The following USP10 variants were observed in gnomAD, a reference collection of about 807,000 sequenced individuals.
The protein encoded by USP10 is ubiquitin specific peptidase 10.
A neutral mutation model predicts 84.5 loss-of-function variants in USP10; 22 were observed. The ratio of observed to expected loss-of-function variants is 0.26; its 90% CI spans 0.19 to 0.37. The LOEUF (loss-of-function observed/expected upper bound fraction) is 0.37. USP10 is among the 10% of genes least tolerant of loss of function. The pLI is 1.00. For missense variants in USP10, 1,019 were observed against 998.9 expected (o/e 1.02, Z -0.27); for synonymous variants, 454 against 387.6 (o/e 1.17, Z -2.01).
At chr16:84,766,320 C>T (rs1913856020) in intron 10 of USP10, among the ~76,000 whole-genome samples, 1 of 152,238 alleles carries the variant, frequency 6.6e-6, no homozygotes, top group African/African-American at 2.4e-5. Context: ...CCTTTCTATT[C>T]TGGTGCTCTG....
Position 84,700,024 on chromosome 16 carries a change from A to T in USP10, c.-67A>T, listed in dbSNP as rs919412871. 3.0e-6 allele frequency: 4 copies of T among 1,326,076 alleles called. No homozygotes were observed. Among genetic ancestry groups the T allele is most frequent in the African/African-American group, 3.1e-5 (2 of 63,842 alleles). The allele number at this position is 1,326,076 out of a possible 1,614,324, so 82.1% of individuals were successfully genotyped here. A position where few individuals can be genotyped will look rare whatever the true frequency, so the allele number is the denominator to read the frequency against. On this transcript the variant is annotated 5_prime_UTR_variant, in exon 1 of 14. The change abolishes an upstream ATG in the 5' untranslated region. Coordinates refer to ENST00000219473, the MANE Select transcript of USP10 (RefSeq NM_005153.3). ...CGAGTGTGTATGTGCGGGCGAGAAG[A>T]TGGCGGCGGCGGGGGAAGCAGCGTG...
At chr16:84,763,695 G>C (rs1913475866) in intron 9 of USP10, among the ~76,000 whole-genome samples, 2 of 152,236 alleles carry the variant, frequency 1.3e-5, no homozygotes, top group African/African-American at 4.8e-5. Flanking sequence ...GTTGCGATTG[G>C]TTGCCGTGGA....
intron 11 of USP10, among the ~76,000 whole-genome samples, chr16:84,771,735 G>C (rs1858286032): frequency 6.6e-6 from 1 of 152,032 alleles, no homozygotes; most frequent in Non-Finnish European, 1.5e-5. Context: ...AGATGTGGTG[G>C]TGGGAGCCTG....
intron 1 of USP10, 85 bp from the exon 2 acceptor site, chr16:84,733,350 G>T: frequency 9.2e-7 from 1 of 1,085,808 alleles, no homozygotes; most frequent in East Asian, 2.4e-5. Context: ...ATGTTGCATA[G>T]GATTGTTAAA....
chr16:84,770,082 C>T (rs1264224050), intron 11 of USP10, among the ~76,000 whole-genome samples: 1 of 152,054 alleles, frequency 6.6e-6, no homozygotes, highest in Non-Finnish European at 1.5e-5. Flanking sequence ...GCACTCCAGC[C>T]TGTGCGATAG....
intron 3 of USP10, among the ~76,000 whole-genome samples, chr16:84,743,214 C>T (rs1006149234): frequency 2.0e-5 from 3 of 152,192 alleles, no homozygotes; most frequent in Admixed American, 1.3e-4. Context: ...ATTAGATGGT[C>T]GTGACTTCAT....
chr16:84,715,372 C>T (rs773077470), intron 1 of USP10, among the ~76,000 whole-genome samples: 48 of 152,168 alleles, frequency 3.2e-4, no homozygotes, highest in Non-Finnish European at 5.3e-4. Context: ...CAACTGGGCA[C>T]GTTACAAGAT....
At chr16:84,738,372 G>A (rs1335963615) in intron 2 of USP10, among the ~76,000 whole-genome samples, 1 of 152,098 alleles carries the variant, frequency 6.6e-6, no homozygotes. Flanking sequence ...TGTCACCAGG[G>A]GGCATCCTAG....
At chr16:84,764,933 A>AG (rs767190510) in intron 10 of USP10, among the ~76,000 whole-genome samples, 4 of 49,064 alleles carry the variant, frequency 8.2e-5, no homozygotes, top group African/African-American at 3.5e-4. Context: ...GAGAGAGAGA[A>AG]AAAAAAATAT....
rs1049034660 is a variant in USP10, at chr16:84,706,896, C to T, written c.21+6785C>T. ...AGTAGGCTTTCTGGGTAGATCTGAT[C>T]ATTGGAGAAGGAGAAACATATTTAT... is the stretch of plus-strand genomic sequence containing the variant. On this transcript the variant is annotated intron_variant, in intron 1 of 13. Transcript: ENST00000219473. 5.4e-5 allele frequency among the ~76,000 whole-genome samples: 8 copies of T among 148,118 alleles called. 1 individual carries two copies. Among genetic ancestry groups the T allele is most frequent in the Admixed American group, 4.1e-4 (6 of 14,646 alleles).
chr16:84,776,660 G>T (rs900889003), intron 13 of USP10, among the ~76,000 whole-genome samples: 3 of 152,148 alleles, frequency 2.0e-5, no homozygotes, highest in African/African-American at 7.2e-5. Flanking sequence ...TCTTGCGGGG[G>T]ACATCACTGG....
intron 4 of USP10, among the ~76,000 whole-genome samples, chr16:84,757,764 G>A (rs1443230936): frequency 3.3e-5 from 5 of 152,106 alleles, no homozygotes; most frequent in African/African-American, 1.2e-4. Flanking sequence ...TGAGGCCCTG[G>A]CTATGCTACC....
chr16:84,777,862 G>A (rs1156401400), intron 13 of USP10, among the ~76,000 whole-genome samples: 3 of 152,220 alleles, frequency 2.0e-5, no homozygotes, highest in East Asian at 1.9e-4. Flanking sequence ...GATGGTGGGC[G>A]CAGCTTAGCA....
At chr16:84,735,310 T>C (rs1909791651) in intron 2 of USP10, among the ~76,000 whole-genome samples, 1 of 152,040 alleles carries the variant, frequency 6.6e-6, no homozygotes, top group Non-Finnish European at 1.5e-5. Flanking sequence ...ACGTTTTAGT[T>C]GCTACAGGTT....
chr16:84,759,778 C>T (rs937866112), intron 6 of USP10, 113 bp from the exon 7 acceptor site: 42 of 1,123,550 alleles, frequency 3.7e-5, no homozygotes, highest in South Asian at 3.2e-4. Context: ...GCATTGGTTA[C>T]CTAAAATCTA....
intron 1 of USP10, 141 bp from the exon 2 acceptor site, chr16:84,733,294 A>G (rs2150800433): frequency 1.5e-6 from 1 of 650,392 alleles, no homozygotes. Flanking sequence ...TCTGAGTTGC[A>G]GATCCTCTGT....
chr16:84,767,329 TAGAAAAA>T (rs1913972399), intron 10 of USP10, among the ~76,000 whole-genome samples: 1 of 150,636 alleles, frequency 6.6e-6, no homozygotes, highest in Admixed American at 6.6e-5. Context: ...CAGAAAAACT[TAGAAAAA>T]GGAAAAAAAA....
chr16:84,743,215 G>A (rs763403912), intron 3 of USP10, among the ~76,000 whole-genome samples: 7 of 152,200 alleles, frequency 4.6e-5, no homozygotes, highest in Non-Finnish European at 1.0e-4. Context: ...TTAGATGGTC[G>A]TGACTTCATG....
intron 4 of USP10, among the ~76,000 whole-genome samples, chr16:84,754,366 A>G (rs1201198505): frequency 6.6e-6 from 1 of 152,158 alleles, no homozygotes; most frequent in African/African-American, 2.4e-5. Flanking sequence ...GTATTTTCCA[A>G]GTCTGAAAAG....
Sources: allele counts gnomAD v4.1 joint callset (sites outside exome capture counted in the v4.1 genomes callset), GRCh38; gene constraint gnomAD v4.1.1; transcripts MANE v1.5; gene names NCBI Gene and HGNC (gene_info 2026-07-23, HGNC 2026-07-21).